The following NEGR1 variants were observed in gnomAD, a reference collection of about 807,000 sequenced individuals.
NEGR1 encodes the protein IgLON family member 4.
In NEGR1, 10 loss-of-function variants were observed where a neutral mutation model predicts 40.9. That is an observed-to-expected ratio of 0.24 (90% confidence interval 0.15 to 0.42). The LOEUF is 0.42. NEGR1 is among the 10% of genes least tolerant of loss of function. The pLI is 1.00. For synonymous variants in NEGR1, 185 were observed against 166.8 expected, an observed-to-expected ratio of 1.11 and a Z score of -0.84; for missense variants, 352 against 438.9, an observed-to-expected ratio of 0.80 and a Z score of 1.77.
intron 6 of NEGR1, among the ~76,000 whole-genome samples, chr1:71,562,589 G>A (rs1648496338): frequency 6.6e-6 from 1 of 151,856 alleles, no homozygotes; most frequent in African/African-American, 2.4e-5. Context: ...AAGGCACAAG[G>A]AAGAATGTAA....
At chr1:72,004,212 A>G (rs1218111586) in intron 1 of NEGR1, among the ~76,000 whole-genome samples, 4 of 152,144 alleles carry the variant, frequency 2.6e-5, no homozygotes, top group African/African-American at 9.7e-5. Context: ...ACACATGCGT[A>G]CATATATATA....
chr1:71,466,477 A>C (rs1646746688), intron 6 of NEGR1, among the ~76,000 whole-genome samples: 1 of 152,092 alleles, frequency 6.6e-6, no homozygotes. Context: ...TAAATAATTA[A>C]AATATGTGGC....
At chr1:72,015,090 G>GA (rs760922329) in intron 1 of NEGR1, among the ~76,000 whole-genome samples, 54 of 138,618 alleles carry the variant, frequency 3.9e-4, no homozygotes, top group African/African-American at 1.4e-3. Context: ...CTGATATTCA[G>GA]AAAAAAATCT....
intron 2 of NEGR1, among the ~76,000 whole-genome samples, chr1:71,843,993 C>G (rs1659324310): frequency 6.6e-6 from 1 of 152,104 alleles, no homozygotes; most frequent in Non-Finnish European, 1.5e-5. Flanking sequence ...GGCTAGCCTT[C>G]TTTTAATTGA....
At chr1:71,763,531 C>T (rs1656017690) in intron 3 of NEGR1, among the ~76,000 whole-genome samples, 1 of 152,120 alleles carries the variant, frequency 6.6e-6, no homozygotes, top group Admixed American at 6.5e-5. Flanking sequence ...TGTAAACACT[C>T]TGAGTATCAT....
intron 1 of NEGR1, among the ~76,000 whole-genome samples, chr1:72,156,633 T>C (rs962603421): frequency 6.6e-6 from 1 of 152,166 alleles, no homozygotes; most frequent in Non-Finnish European, 1.5e-5. Flanking sequence ...ATAGTCTTTT[T>C]TCATTCCTCA....
intron 1 of NEGR1, among the ~76,000 whole-genome samples, chr1:71,974,890 C>A (rs563770619): frequency 6.6e-6 from 1 of 152,130 alleles, no homozygotes; most frequent in East Asian, 1.9e-4. Context: ...TTAACTAACT[C>A]GAGAATAGCA....
chr1:72,139,569 A>AGT (rs2100332110), intron 1 of NEGR1, among the ~76,000 whole-genome samples: 1 of 152,242 alleles, frequency 6.6e-6, no homozygotes, highest in South Asian at 2.1e-4. Flanking sequence ...AAGAAACAAA[A>AGT]TATGAAAGCA....
intron 2 of NEGR1, among the ~76,000 whole-genome samples, chr1:71,856,303 T>C (rs1463704896): frequency 1.3e-5 from 2 of 152,032 alleles, no homozygotes; most frequent in Non-Finnish European, 2.9e-5. Context: ...CAGCCTCCGT[T>C]TGAGGAGGTG....
At chr1:71,649,468 A>C (rs1651638484) in intron 4 of NEGR1, among the ~76,000 whole-genome samples, 1 of 152,108 alleles carries the variant, frequency 6.6e-6, no homozygotes, top group Admixed American at 6.6e-5. Flanking sequence ...TGCTGTTTTA[A>C]ATTGTGGTGC....
At chr1:71,962,141 C>G (rs539763754) in intron 1 of NEGR1, among the ~76,000 whole-genome samples, 76 of 152,076 alleles carry the variant, frequency 5.0e-4, no homozygotes, top group African/African-American at 1.7e-3. Context: ...TCAGATGAGA[C>G]AGAAGGAAAA....
chr1:71,697,901 A>T, intron 4 of NEGR1, 107 bp downstream of exon 4: 1 of 1,070,036 alleles, frequency 9.3e-7, no homozygotes, highest in Non-Finnish European at 1.3e-6. Flanking sequence ...GGTGATTTTT[A>T]CCAATAGACA....
intron 6 of NEGR1, among the ~76,000 whole-genome samples, chr1:71,415,360 C>T (rs1646348413): frequency 6.6e-6 from 1 of 152,022 alleles, no homozygotes; most frequent in South Asian, 2.1e-4. Context: ...AGAGCTATTT[C>T]TCTGGCCGAC....
chr1:71,508,046 A>G (rs1647046950), intron 6 of NEGR1, among the ~76,000 whole-genome samples: 1 of 152,158 alleles, frequency 6.6e-6, no homozygotes, highest in African/African-American at 2.4e-5. Context: ...TACTATGGAA[A>G]CCAAGAATCA....
intron 2 of NEGR1, among the ~76,000 whole-genome samples, chr1:71,913,916 A>G (rs1661495377): frequency 3.3e-5 from 5 of 152,008 alleles, no homozygotes. Context: ...GACAAACAAT[A>G]TTTTTCCCAG....
chr1:71,874,651 T>C (rs1317765598), intron 2 of NEGR1, among the ~76,000 whole-genome samples: 1 of 152,178 alleles, frequency 6.6e-6, no homozygotes, highest in Admixed American at 6.6e-5. Flanking sequence ...GAATTTGCTT[T>C]CACTGAAGTG....
At chr1:72,222,475 T>C (rs932748390) in intron 1 of NEGR1, among the ~76,000 whole-genome samples, 1 of 152,104 alleles carries the variant, frequency 6.6e-6, no homozygotes, top group Non-Finnish European at 1.5e-5. Context: ...CAGAGTAACA[T>C]GAAATCATTG....
chr1:72,188,462 A>T (rs552649335), intron 1 of NEGR1, among the ~76,000 whole-genome samples: 108 of 151,668 alleles, frequency 7.1e-4, no homozygotes, highest in African/African-American at 2.1e-3. Flanking sequence ...GGAAATAATT[A>T]TACATATTCT....
chr1:71,723,273 C>A (rs1201912020), intron 3 of NEGR1, among the ~76,000 whole-genome samples: 1 of 152,026 alleles, frequency 6.6e-6, no homozygotes, highest in Admixed American at 6.6e-5. Flanking sequence ...CACAGAGCTC[C>A]TAAAACCCTT....
Sources: gnomAD v4.1 joint callset for allele counts (sites outside exome capture counted in the v4.1 genomes callset) on GRCh38, gnomAD v4.1.1 for gene constraint, MANE v1.5 for transcripts, NCBI Gene and HGNC (gene_info 2026-07-23, HGNC 2026-07-21) for gene names.